Variants in TCF12 observed in about 807,000 individuals in gnomAD.
TCF12 encodes DNA-binding protein HTF4.
TCF12 carries 45 observed loss-of-function variants against 86.0 expected under a neutral mutation model. The ratio of observed to expected loss-of-function variants is 0.52; its 90% CI spans 0.41 to 0.67. The LOEUF is 0.67. Ranked by LOEUF, TCF12 falls within the 30% of genes least tolerant of loss-of-function variation. TCF12 has a pLI of 0.00. For synonymous variants in TCF12, 330 were observed against 299.6 expected (o/e 1.10, Z -1.05); for missense variants, 881 against 859.9 (o/e 1.02, Z -0.31).
At chr15:57,251,502 G>C in intron 14 of TCF12, 79 bp downstream of exon 14, 1 of 1,347,630 alleles carries the variant, frequency 7.4e-7, no homozygotes, top group South Asian at 1.2e-5. Context: ...TAACAATAAA[G>C]AAACAGTAGG....
chr15:56,982,872 T>C lies in TCF12; in HGVS notation c.148+61774T>C, dbSNP rs146111723. ...TTATCTGATTTCCTTGTAGTAGATATACATTCTGAATTGCTTTTGAAGTAG... is the reference window on the plus strand; with the variant it reads ...TTATCTGATTTCCTTGTAGTAGATACACATTCTGAATTGCTTTTGAAGTAG... On this transcript the variant is annotated intron_variant, in intron 3 of 20. Coordinates refer to ENST00000333725, the MANE Select transcript of TCF12 (RefSeq NM_207037.2). 1.3e-3 allele frequency among the ~76,000 whole-genome samples: 194 copies of C among 152,344 alleles called. 1 individual carries two copies. The highest frequency in any genetic ancestry group is 4.3e-3 in the African/African-American group (180 of 41,590).
intron 5 of TCF12, among the ~76,000 whole-genome samples, chr15:57,123,186 C>T (rs1223485270): frequency 1.3e-5 from 2 of 152,084 alleles, no homozygotes; most frequent in African/African-American, 4.8e-5. Context: ...TTTTACATGG[C>T]TTTGATGATT....
intron 19 of TCF12, among the ~76,000 whole-genome samples, chr15:57,278,061 A>G (rs1251276784): frequency 6.6e-6 from 1 of 152,134 alleles, no homozygotes; most frequent in African/African-American, 2.4e-5. Flanking sequence ...TCAAACTCCT[A>G]GCACAAACGA....
At chr15:56,957,760 T>C (rs1423755496) in intron 3 of TCF12, among the ~76,000 whole-genome samples, 1 of 152,226 alleles carries the variant, frequency 6.6e-6, no homozygotes, top group Non-Finnish European at 1.5e-5. Flanking sequence ...TTCCAGACAT[T>C]GTGGATTTTA....
rs551323124 is a variant in TCF12, at chr15:57,116,194, T to G, written c.325+24303T>G. ...TGGTATCCTTGACTCCAAAGCCTGT[T>G]TTTAACTATCATGTGTACTGACCCT... On this transcript the variant is annotated intron_variant, in intron 5 of 20. Transcript: ENST00000333725. Among the ~76,000 whole-genome samples, 6 of 152,286 alleles carry G rather than the reference T, an allele frequency of 3.9e-5. No individual in the cohort carries two copies. In the South Asian group the frequency reaches 1.2e-3, roughly 32 times the overall value.
At chr15:57,108,425 T>A (rs2050274438) in intron 5 of TCF12, among the ~76,000 whole-genome samples, 1 of 152,208 alleles carries the variant, frequency 6.6e-6, no homozygotes, top group South Asian at 2.1e-4. Flanking sequence ...GTTTGAGGGT[T>A]AGGTTTTGAC....
chr15:57,227,079 C>G (rs185024750), intron 8 of TCF12, among the ~76,000 whole-genome samples: 1 of 152,090 alleles, frequency 6.6e-6, no homozygotes, highest in Non-Finnish European at 1.5e-5. Context: ...ATCTCTTCAT[C>G]CCTTGGTACC....
chr15:56,923,862 A>G (rs1244066893), intron 3 of TCF12, among the ~76,000 whole-genome samples: 1 of 152,114 alleles, frequency 6.6e-6, no homozygotes, highest in African/African-American at 2.4e-5. Flanking sequence ...CATTTTAACT[A>G]TTAAGTAAAG....
chr15:57,177,762 C>G (rs1365491338), intron 6 of TCF12, among the ~76,000 whole-genome samples: 6 of 151,154 alleles, frequency 4.0e-5, no homozygotes, highest in African/African-American at 1.5e-4. Flanking sequence ...GCTCTGTCAC[C>G]CAGGGCGGAG....
chr15:57,252,447 C>T lies in TCF12; in HGVS notation c.1215C>T (p.His405=), dbSNP rs371549670. The T allele has an allele frequency of 2.1e-5, 34 of 1,613,804 alleles. No homozygotes were observed. The highest frequency in any genetic ancestry group is 4.4e-5 in the South Asian group (4 of 91,066). Residue 405 remains histidine, a synonymous_variant, in exon 15 of 21, where the codon CAC becomes CAT. Coordinates refer to ENST00000333725, the MANE Select transcript of TCF12 (RefSeq NM_207037.2). ...SLKNRVEQQL[H]EHLQDAMSFL... The stretch of plus-strand genomic sequence containing the variant: ...AAAATCGAGTTGAGCAGCAACTTCA[C>T]GAGCATTTGCAAGATGCAATGTCCT...
intron 3 of TCF12, among the ~76,000 whole-genome samples, chr15:56,954,696 A>G (rs62022960): frequency 0.033 from 5,010 of 152,298 alleles, 128 homozygotes; most frequent in Non-Finnish European, 0.048. Flanking sequence ...AATATCCAGA[A>G]TCTACAAGGA....
chr15:57,163,518 T>C (rs1596955874), intron 5 of TCF12, among the ~76,000 whole-genome samples: 1 of 152,124 alleles, frequency 6.6e-6, no homozygotes, highest in East Asian at 1.9e-4. Flanking sequence ...TAGGCCATAC[T>C]ATGAGACCCT....
chr15:57,170,722 T>TC (rs1427301623), intron 6 of TCF12, among the ~76,000 whole-genome samples: 2 of 25,890 alleles, frequency 7.7e-5, no homozygotes, highest in Non-Finnish European at 1.7e-4. Flanking sequence ...AATATATATA[T>TC]TATATATTAT....
At chr15:56,953,853 A>G (rs1407611110) in intron 3 of TCF12, among the ~76,000 whole-genome samples, 1 of 147,440 alleles carries the variant, frequency 6.8e-6, no homozygotes, top group Non-Finnish European at 1.5e-5. Context: ...ATGTTCTCAA[A>G]GAACCAGCTT....
At chr15:57,249,180 A>G (rs2059995736) in intron 13 of TCF12, among the ~76,000 whole-genome samples, 1 of 152,198 alleles carries the variant, frequency 6.6e-6, no homozygotes, top group African/African-American at 2.4e-5. Flanking sequence ...ATGCACTGAA[A>G]TCAGCAGTAA....
intron 6 of TCF12, among the ~76,000 whole-genome samples, chr15:57,175,094 T>C (rs556906342): frequency 6.6e-6 from 1 of 152,316 alleles, no homozygotes; most frequent in East Asian, 1.9e-4. Flanking sequence ...ATACAGGATA[T>C]ATAAAGCATT....
intron 19 of TCF12, among the ~76,000 whole-genome samples, chr15:57,276,233 C>G (rs1372528201): frequency 2.0e-5 from 3 of 152,204 alleles, no homozygotes; most frequent in Non-Finnish European, 4.4e-5. Flanking sequence ...TGAAATCTGG[C>G]TGGTCCCAGA....
chr15:57,225,030 A>G (rs549031224), intron 8 of TCF12, among the ~76,000 whole-genome samples: 242 of 152,204 alleles, frequency 1.6e-3, no homozygotes, highest in Non-Finnish European at 2.2e-3. Flanking sequence ...CAAATCTGTC[A>G]TTTGTTGAAA....
intron 3 of TCF12, among the ~76,000 whole-genome samples, chr15:57,038,692 A>C (rs2066681815): frequency 6.6e-6 from 1 of 152,184 alleles, no homozygotes; most frequent in African/African-American, 2.4e-5. Context: ...CATAGAGTTT[A>C]TCTAAAAATT....
Sources: gnomAD v4.1 joint callset for allele counts (sites outside exome capture counted in the v4.1 genomes callset) on GRCh38, gnomAD v4.1.1 for gene constraint, MANE v1.5 for transcripts, NCBI Gene and HGNC (gene_info 2026-07-23, HGNC 2026-07-21) for gene names.